Variants in HHAT observed in about 807,000 individuals in gnomAD.
The protein encoded by HHAT is hedgehog acyltransferase, also known as protein-cysteine N-palmitoyltransferase HHAT.
HHAT carries 47 observed loss-of-function variants against 70.8 expected under a neutral mutation model. The ratio of observed to expected loss-of-function variants is 0.66; its 90% confidence interval spans 0.53 to 0.85. The LOEUF (loss-of-function observed/expected upper bound fraction) is 0.85. Among genes scored for constraint, HHAT ranks in the 40% least tolerant of loss-of-function variants. HHAT has a pLI of 0.00. For missense variants in HHAT, 609 were observed against 604.8 expected (o/e 1.01, Z -0.07); for synonymous variants, 228 against 247.6 (o/e 0.92, Z 0.74).
chr1:210,379,639 TCTAA>T (rs758949861), intron 3 of HHAT, among the ~76,000 whole-genome samples: 7 of 152,232 alleles, frequency 4.6e-5, no homozygotes, highest in Non-Finnish European at 8.8e-5. Flanking sequence ...TATGAGTGCT[TCTAA>T]CTGTTTCAGG....
intron 1 of HHAT, among the ~76,000 whole-genome samples, chr1:210,346,650 G>A (rs912993229): frequency 1.3e-5 from 2 of 152,186 alleles, no homozygotes; most frequent in African/African-American, 4.8e-5. Context: ...AACGAAATGG[G>A]GCACTCTGGG....
At chr1:210,600,375 G>GA (rs1214879896) in intron 10 of HHAT, among the ~76,000 whole-genome samples, 1 of 152,086 alleles carries the variant, frequency 6.6e-6, no homozygotes, top group Non-Finnish European at 1.5e-5. Flanking sequence ...ATTGAATACC[G>GA]AAAAAAACTA....
At chr1:210,444,303 TTC>T (rs2093589435) in intron 7 of HHAT, among the ~76,000 whole-genome samples, 2 of 132,502 alleles carry the variant, frequency 1.5e-5, no homozygotes, top group African/African-American at 5.4e-5. Context: ...TGGTCTAAAA[TTC>T]TCTTTTTTTG....
At chr1:210,512,720 A>G (rs892927745) in intron 8 of HHAT, among the ~76,000 whole-genome samples, 1 of 151,422 alleles carries the variant, frequency 6.6e-6, no homozygotes, top group African/African-American at 2.4e-5. Context: ...GTGTATATAC[A>G]TATATATATT....
chr1:210,448,746 G>A (rs76688162), intron 7 of HHAT, among the ~76,000 whole-genome samples: 2,067 of 152,254 alleles, frequency 0.014, 47 homozygotes, highest in African/African-American at 0.047. Context: ...CTAGTTTTCA[G>A]ATTTTATGTA....
intron 7 of HHAT, among the ~76,000 whole-genome samples, chr1:210,439,907 T>C (rs1187425907): frequency 6.6e-6 from 1 of 151,898 alleles, no homozygotes; most frequent in African/African-American, 2.4e-5. Context: ...TCTTTGTAGA[T>C]TGGTAGCCCA....
At chr1:210,653,877 G>A (rs1362383687) in intron 11 of HHAT, among the ~76,000 whole-genome samples, 1 of 12 alleles carries the variant, frequency 0.083, no homozygotes, top group African/African-American at 0.17. Context: ...ACCAGAAGGT[G>A]TGCCTGTGAC....
At chr1:210,436,913 A>C (rs1299332307) in intron 7 of HHAT, among the ~76,000 whole-genome samples, 7 of 151,750 alleles carry the variant, frequency 4.6e-5, no homozygotes, top group African/African-American at 1.7e-4. Context: ...GATTTGATAG[A>C]ATCATTGTTT....
chr1:210,564,040 G>C (rs2095647269), intron 9 of HHAT, among the ~76,000 whole-genome samples: 2 of 151,976 alleles, frequency 1.3e-5, no homozygotes, highest in African/African-American at 4.8e-5. Flanking sequence ...AGCAACCTCT[G>C]CCTCCTGGGT....
At chr1:210,544,824 G>A (rs1429304659) in intron 9 of HHAT, among the ~76,000 whole-genome samples, 1 of 152,134 alleles carries the variant, frequency 6.6e-6, no homozygotes. Context: ...TGTTATGTCA[G>A]TAAATGGTGC....
At chr1:210,510,772 C>T (rs1426390111) in intron 8 of HHAT, among the ~76,000 whole-genome samples, 3 of 152,152 alleles carry the variant, frequency 2.0e-5, no homozygotes, top group East Asian at 1.9e-4. Context: ...TAGTACTTGC[C>T]ACATTCTAAA....
chr1:210,356,463 C>T (rs575711862), intron 2 of HHAT, among the ~76,000 whole-genome samples: 126 of 151,912 alleles, frequency 8.3e-4, no homozygotes, highest in Non-Finnish European at 1.5e-3. Flanking sequence ...CCGGGGAGCC[C>T]TCATATTTAA....
At chr1:210,566,299 A>G (rs146268392) in intron 9 of HHAT, among the ~76,000 whole-genome samples, 2,000 of 152,276 alleles carry the variant, frequency 0.013, 29 homozygotes, top group Non-Finnish European at 0.015. Context: ...ATCTATATTC[A>G]ATATTTGTAG....
At chr1:210,498,928 C>A (rs537665187) in intron 8 of HHAT, among the ~76,000 whole-genome samples, 1 of 152,072 alleles carries the variant, frequency 6.6e-6, no homozygotes, top group East Asian at 1.9e-4. Context: ...CATGACCGTG[C>A]CTGGCTAATT....
chr1:210,633,829 C>T (rs539641808), intron 11 of HHAT, among the ~76,000 whole-genome samples: 2 of 152,304 alleles, frequency 1.3e-5, no homozygotes, highest in South Asian at 4.1e-4. Flanking sequence ...TGGGCGCTTG[C>T]TGGCGCATGT....
At position 210,464,643 on chromosome 1, in the gene HHAT, C is replaced by T. The variant is rs1267974210; in HGVS notation, c.995C>T (p.Thr332Ile). 6.2e-7 allele frequency: 1 copy of T among 1,614,158 alleles called. No homozygotes were observed. Among genetic ancestry groups the T allele is most frequent in the Admixed American group, 1.7e-5 (1 of 60,034 alleles). Residue 332 changes from threonine to isoleucine, a missense_variant, in exon 8 of 12, where the codon ACC (threonine) becomes ATC (isoleucine). By Grantham distance (89) the Thr-to-Ile change is moderately conservative. Transcript: ENST00000261458. ...TGCGTGAGCACCATGTTCAGTTTCA[C>T]CGGGATGTGGAGGTCAGGCGCTGGG... ...PRCVSTMFSFTGMWRYFDVGL... is the reference protein window; with the variant it reads ...PRCVSTMFSFIGMWRYFDVGL...
intron 11 of HHAT, among the ~76,000 whole-genome samples, chr1:210,629,929 G>A (rs537981904): frequency 1.3e-5 from 2 of 151,086 alleles, no homozygotes; most frequent in South Asian, 2.1e-4. Flanking sequence ...TGCAACCTCC[G>A]CCTCCGGGGT....
chr1:210,513,045 C>A, intron 8 of HHAT, 108 bp from the exon 9 acceptor site: 1 of 686,600 alleles, frequency 1.5e-6, no homozygotes, highest in Admixed American at 2.8e-5. Context: ...TGTGGTAGAG[C>A]AATCCATTTA....
At chr1:210,482,642 T>TA (rs2094414669) in intron 8 of HHAT, among the ~76,000 whole-genome samples, 1 of 152,204 alleles carries the variant, frequency 6.6e-6, no homozygotes, top group South Asian at 2.1e-4. Context: ...TGCATGAAGA[T>TA]ATTTGTATCG....
Sources: allele counts gnomAD v4.1 joint callset (sites outside exome capture counted in the v4.1 genomes callset), GRCh38; gene constraint gnomAD v4.1.1; transcripts MANE v1.5; gene names NCBI Gene and HGNC (gene_info 2026-07-23, HGNC 2026-07-21).